The following MAGI2 variants were observed in gnomAD, a reference collection of about 807,000 sequenced individuals.
The protein encoded by MAGI2 is membrane associated guanylate kinase, WW and PDZ domain containing 2.
A neutral mutation model predicts 133.3 loss-of-function variants in MAGI2; 35 were observed. The observed-to-expected ratio is 0.26, with a 90% CI of 0.20 to 0.35. MAGI2 has a LOEUF of 0.35. Ranked by LOEUF, MAGI2 falls within the 10% of genes least tolerant of loss-of-function variation. The probability of loss-of-function intolerance (pLI) is 1.00; values close to 1 mark genes in which losing one functional copy is unlikely to be tolerated. For synonymous variants in MAGI2, 729 were observed against 710.6 expected, an observed-to-expected ratio of 1.03 and a Z score of -0.41; for missense variants, 1,636 against 1,863.4, an observed-to-expected ratio of 0.88 and a Z score of 2.25.
chr7:78,299,295 T>C (rs1797619864), intron 9 of MAGI2, among the ~76,000 whole-genome samples: 8 of 152,194 alleles, frequency 5.3e-5, no homozygotes, highest in Admixed American at 5.2e-4. Flanking sequence ...ATTTAAGCAG[T>C]GCTCGTTACA....
intron 2 of MAGI2, among the ~76,000 whole-genome samples, chr7:78,634,059 C>G (rs1195190093): frequency 6.6e-6 from 1 of 152,166 alleles, no homozygotes; most frequent in African/African-American, 2.4e-5. Flanking sequence ...CACTTAACTT[C>G]ACTCAGGCTA....
chr7:78,158,351 C>T (rs1824602050), intron 16 of MAGI2: 1 of 152,064 alleles, frequency 6.6e-6, no homozygotes, highest in South Asian at 2.1e-4. Flanking sequence ...CTCTGGAAGA[C>T]TGTGGTAGAA....
At position 78,389,361 on chromosome 7, in the gene MAGI2, G is replaced by T. The variant is rs566492877; in HGVS notation, c.1046-20148C>A. 2.0e-5 allele frequency among the ~76,000 whole-genome samples: 3 copies of T among 152,156 alleles called. No individual in the cohort carries two copies. The South Asian group carries it at 6.2e-4, about 32-fold the overall frequency. The stretch of plus-strand genomic sequence containing the variant: ...TCCATGGAGAAAGGGGACTGCTATT[G>T]AGTTCTGAAGAATATATTATGACCA... On this transcript the variant is annotated intron_variant, in intron 6 of 21. Transcript: ENST00000354212.
Position 78,104,589 on chromosome 7 carries a change from A to G in MAGI2, c.3567+21105T>C, listed in dbSNP as rs541824510. Among the ~76,000 whole-genome samples, 157 of 152,070 alleles carry G rather than the reference A, an allele frequency of 1.0e-3. 1 individual carries two copies. Among genetic ancestry groups the G allele is most frequent in the Middle Eastern group, 3.4e-3 (1 of 294 alleles). On this transcript the variant is annotated intron_variant, in intron 20 of 21. Transcript: ENST00000354212. Reference sequence around the variant, plus strand: ...ATTTTCCATCCTTGTATGCTACTCTATTCCTCCAATTTATACCAACCATTG... The same window carrying G: ...ATTTTCCATCCTTGTATGCTACTCTGTTCCTCCAATTTATACCAACCATTG...
At chr7:79,263,372 G>A (rs532141441) in intron 1 of MAGI2, among the ~76,000 whole-genome samples, 7 of 152,104 alleles carry the variant, frequency 4.6e-5, no homozygotes, top group Non-Finnish European at 8.8e-5. Context: ...GTTGCCTAGA[G>A]GTAAATAGAA....
chr7:79,351,557 A>T (rs1448138187), intron 1 of MAGI2, among the ~76,000 whole-genome samples: 1 of 152,210 alleles, frequency 6.6e-6, no homozygotes, highest in African/African-American at 2.4e-5. Flanking sequence ...ACTACTACAG[A>T]TGAATTATTA....
chr7:78,703,629 A>G (rs1010300564), intron 2 of MAGI2, among the ~76,000 whole-genome samples: 1 of 152,074 alleles, frequency 6.6e-6, no homozygotes, highest in Non-Finnish European at 1.5e-5. Flanking sequence ...TCACAAGCCA[A>G]TTGCTTCAAA....
chr7:79,185,937 G>C (rs10249758), intron 1 of MAGI2, among the ~76,000 whole-genome samples: 48 of 151,644 alleles, frequency 3.2e-4, no homozygotes, highest in African/African-American at 1.1e-3. Context: ...ACAGACATCA[G>C]CCTGTACCTT....
At chr7:78,160,315 G>A (rs201676318) in intron 15 of MAGI2, 42 bp from the exon 16 acceptor site, 5 of 1,522,174 alleles carry the variant, frequency 3.3e-6, no homozygotes, top group Non-Finnish European at 3.5e-6. Flanking sequence ...TACCTTACAA[G>A]GGTCTCAATG....
chr7:78,380,217 T>A (rs1474535419), intron 6 of MAGI2, among the ~76,000 whole-genome samples: 2 of 151,836 alleles, frequency 1.3e-5, no homozygotes, highest in Non-Finnish European at 2.9e-5. Context: ...AGACTATTTC[T>A]TTTTTTAAAA....
At chr7:78,747,433 A>G (rs984474702) in intron 2 of MAGI2, among the ~76,000 whole-genome samples, 1 of 145,902 alleles carries the variant, frequency 6.9e-6, no homozygotes, top group Non-Finnish European at 1.5e-5. Context: ...TGTGCTCCAG[A>G]CATTTTAGGT....
intron 20 of MAGI2, among the ~76,000 whole-genome samples, chr7:78,121,630 T>C (rs926628742): frequency 6.6e-6 from 1 of 152,244 alleles, no homozygotes. Flanking sequence ...CTTTTTTACA[T>C]ATGCTAATAC....
rs1418154116 is a variant in MAGI2, at chr7:78,369,173, A to G, written c.1086T>C (p.Tyr362=). The G allele has an allele frequency of 6.2e-7, 1 of 1,605,340 alleles. No individual in the cohort carries two copies. The highest frequency in any genetic ancestry group is 8.5e-7 in the Non-Finnish European group (1 of 1,174,752). ...AGACTTACTCAACATAATAAGTGCC[A>G]TAAATGGGATCATCGATTTTTTCCC... ...YGWEKIDDPI[Y]GTYYVDHINR... Residue 362 remains tyrosine (Y), a synonymous_variant, in exon 7 of 22, where the codon TAT becomes TAC. Transcript: ENST00000354212.
chr7:79,124,138 T>C (rs1433895516), intron 1 of MAGI2, among the ~76,000 whole-genome samples: 1 of 152,204 alleles, frequency 6.6e-6, no homozygotes, highest in Non-Finnish European at 1.5e-5. Flanking sequence ...AATGAAAAGA[T>C]TTATCTCTAA....
At chr7:78,416,327 A>G (rs1360177732) in intron 6 of MAGI2, among the ~76,000 whole-genome samples, 1 of 152,130 alleles carries the variant, frequency 6.6e-6, no homozygotes, top group Admixed American at 6.6e-5. Flanking sequence ...GAAGGTATTT[A>G]TGATGAAAGA....
At chr7:78,890,403 C>A (rs917886487) in intron 2 of MAGI2, among the ~76,000 whole-genome samples, 1 of 152,190 alleles carries the variant, frequency 6.6e-6, no homozygotes. Flanking sequence ...GAACTCTCCA[C>A]CCCAAATTAA....
intron 2 of MAGI2, among the ~76,000 whole-genome samples, chr7:78,757,920 C>CGATA (rs561826366): frequency 7.6e-4 from 115 of 152,220 alleles, no homozygotes; most frequent in African/African-American, 2.7e-3. Context: ...AATTCCAGAA[C>CGATA]GATACACCCA....
intron 1 of MAGI2, among the ~76,000 whole-genome samples, chr7:79,133,608 C>CATTAGTAGT: frequency 6.6e-6 from 1 of 152,190 alleles, no homozygotes; most frequent in East Asian, 1.9e-4. Flanking sequence ...AAATCATTGT[C>CATTAGTAGT]ATTAGTAGTA....
intron 1 of MAGI2, among the ~76,000 whole-genome samples, chr7:79,423,467 T>A (rs1847120300): frequency 6.6e-6 from 1 of 152,096 alleles, no homozygotes. Flanking sequence ...ATACTAAATA[T>A]CTACTCAATA....
Sources: allele counts gnomAD v4.1 joint callset (sites outside exome capture counted in the v4.1 genomes callset), GRCh38; gene constraint gnomAD v4.1.1; transcripts MANE v1.5; gene names NCBI Gene and HGNC (gene_info 2026-07-23, HGNC 2026-07-21).